MACROD2: variants seen among roughly 807,000 people sequenced by gnomAD.
The protein encoded by MACROD2 is mono-ADP ribosylhydrolase 2.
A neutral mutation model predicts 70.4 loss-of-function variants in MACROD2; 36 were observed. The observed-to-expected ratio is 0.51, with a 90% CI of 0.39 to 0.68. The LOEUF (loss-of-function observed/expected upper bound fraction) is 0.68. MACROD2 is among the 30% of genes least tolerant of loss of function. The pLI, the probability that MACROD2 is intolerant of heterozygous loss-of-function variation, is 0.00. For missense variants in MACROD2, 496 were observed against 538.4 expected, an observed-to-expected ratio of 0.92 and a Z score of 0.78; for synonymous variants, 172 against 178.8, an observed-to-expected ratio of 0.96 and a Z score of 0.30.
At chr20:15,914,919 C>G (rs921986041) in intron 10 of MACROD2, among the ~76,000 whole-genome samples, 7 of 137,318 alleles carry the variant, frequency 5.1e-5, no homozygotes, top group Admixed American at 4.6e-4. Context: ...AAACAATTTA[C>G]TTACTGCTAC....
chr20:14,760,912 C>G (rs2072007222), intron 5 of MACROD2, among the ~76,000 whole-genome samples: 1 of 152,124 alleles, frequency 6.6e-6, no homozygotes, highest in African/African-American at 2.4e-5. Flanking sequence ...GTGACCAAAA[C>G]TCTCCTTTGT....
At chr20:14,577,676 G>A (rs1409957567) in intron 4 of MACROD2, among the ~76,000 whole-genome samples, 1 of 152,056 alleles carries the variant, frequency 6.6e-6, no homozygotes, top group Non-Finnish European at 1.5e-5. Flanking sequence ...CAGCTACTCA[G>A]GAGGCTGAGG....
At chr20:15,898,415 G>C (rs988413991) in intron 10 of MACROD2, among the ~76,000 whole-genome samples, 2 of 152,034 alleles carry the variant, frequency 1.3e-5, no homozygotes, top group Non-Finnish European at 1.5e-5. Flanking sequence ...GCTGGGAGTG[G>C]TGACATGTGC....
chr20:14,678,011 C>A (rs2070883239), intron 4 of MACROD2, among the ~76,000 whole-genome samples: 1 of 152,030 alleles, frequency 6.6e-6, no homozygotes, highest in South Asian at 2.1e-4. Context: ...TGCAAACATC[C>A]CCAAATTGTA....
intron 5 of MACROD2, among the ~76,000 whole-genome samples, chr20:14,715,098 G>A (rs2071382198): frequency 6.6e-6 from 1 of 152,092 alleles, no homozygotes; most frequent in African/African-American, 2.4e-5. Flanking sequence ...AGCATGGCTG[G>A]GGAGGCCTCA....
intron 3 of MACROD2, among the ~76,000 whole-genome samples, chr20:14,246,725 T>A (rs2081970815): frequency 6.6e-6 from 1 of 152,226 alleles, no homozygotes; most frequent in East Asian, 1.9e-4. Flanking sequence ...AGAATTTTTG[T>A]AGCATTCAGA....
chr20:14,834,963 A>G (rs1476892072), intron 5 of MACROD2, among the ~76,000 whole-genome samples: 2 of 151,994 alleles, frequency 1.3e-5, no homozygotes, highest in African/African-American at 4.8e-5. Context: ...GACTCTCTAT[A>G]TATACATACA....
intron 8 of MACROD2, among the ~76,000 whole-genome samples, chr20:15,825,138 T>C (rs2063982976): frequency 6.6e-6 from 1 of 152,196 alleles, no homozygotes; most frequent in African/African-American, 2.4e-5. Flanking sequence ...TTTGAGAGAT[T>C]AAAAATGTCT....
At chr20:14,113,154 C>A (rs1016082454) in intron 3 of MACROD2, among the ~76,000 whole-genome samples, 2 of 151,980 alleles carry the variant, frequency 1.3e-5, no homozygotes, top group East Asian at 3.9e-4. Context: ...GTTATAGAAG[C>A]ACCCCATGTT....
At chr20:15,970,797 A>G (rs189382355) in intron 13 of MACROD2, among the ~76,000 whole-genome samples, 38 of 152,322 alleles carry the variant, frequency 2.5e-4, no homozygotes, top group African/African-American at 9.1e-4. Flanking sequence ...GAGCTTACAT[A>G]GGGCTAGAAG....
chr20:15,092,067 A>ACT, intron 5 of MACROD2, among the ~76,000 whole-genome samples: 1 of 152,218 alleles, frequency 6.6e-6, no homozygotes, highest in South Asian at 2.1e-4. Context: ...ATTCACACTA[A>ACT]AGTCATTTGG....
chr20:14,889,778 T>A (rs1235723396), intron 5 of MACROD2, among the ~76,000 whole-genome samples: 2 of 152,150 alleles, frequency 1.3e-5, no homozygotes, highest in African/African-American at 4.8e-5. Context: ...TGGGTTTAAT[T>A]CGAAGTGAAT....
intron 6 of MACROD2, among the ~76,000 whole-genome samples, chr20:15,356,066 C>T (rs6079782): frequency 0.089 from 13,583 of 152,154 alleles, 754 homozygotes; most frequent in Non-Finnish European, 0.13. Flanking sequence ...AACTTCCTAT[C>T]TTCCATCACT....
intron 7 of MACROD2, among the ~76,000 whole-genome samples, chr20:15,442,444 T>C (rs2046508408): frequency 6.6e-6 from 1 of 152,164 alleles, no homozygotes; most frequent in Non-Finnish European, 1.5e-5. Context: ...GCCAGGAATC[T>C]ACCATGGTGT....
chr20:15,298,167 T>G (rs1205985796), intron 6 of MACROD2, among the ~76,000 whole-genome samples: 1 of 152,312 alleles, frequency 6.6e-6, no homozygotes, highest in East Asian at 1.9e-4. Context: ...CTTTGGCTCC[T>G]TTTGAAAAAG....
At chr20:15,336,407 T>C (rs935710059) in intron 6 of MACROD2, among the ~76,000 whole-genome samples, 1 of 151,294 alleles carries the variant, frequency 6.6e-6, no homozygotes. Flanking sequence ...GGTGTGGAAT[T>C]GATCTTTTGT....
rs59492795 is a variant in MACROD2 at position 14,926,546 on chromosome 20, C to CAAA, written c.418+241598_418+241600dup. On this transcript the variant is annotated intron_variant, in intron 5 of 17. Coordinates refer to ENST00000684519, the MANE Select transcript of MACROD2 (RefSeq NM_001351661.2). ...GCCTGGTGACAGAGCAAGACTCCGT[C>CAAA]AAAAAAAAAAAAAGGAAGCATTATG... Among the ~76,000 whole-genome samples the CAAA allele has an allele frequency of 3.7e-3, 505 of 137,470 alleles. 6 individuals carry two copies. Among genetic ancestry groups the CAAA allele is most frequent in the Admixed American group, 0.031 (431 of 13,982 alleles). The allele number at this position is 137,470 out of a possible 152,430, so 90.2% of individuals were successfully genotyped here. A position where few individuals can be genotyped will look rare whatever the true frequency, so the allele number is the denominator to read the frequency against.
intron 6 of MACROD2, among the ~76,000 whole-genome samples, chr20:15,404,430 A>G (rs6034176): frequency 0.04 from 6,086 of 152,312 alleles, 376 homozygotes; most frequent in African/African-American, 0.14. Flanking sequence ...TAAATGTTTA[A>G]GAAACTGTAC....
At chr20:14,098,480 T>C (rs2054258386) in intron 3 of MACROD2, among the ~76,000 whole-genome samples, 2 of 152,224 alleles carry the variant, frequency 1.3e-5, no homozygotes, top group African/African-American at 4.8e-5. Context: ...GATGATGTCA[T>C]AAGATTGTAT....
Sources: allele counts gnomAD v4.1 joint callset (sites outside exome capture counted in the v4.1 genomes callset), GRCh38; gene constraint gnomAD v4.1.1; transcripts MANE v1.5; gene names NCBI Gene and HGNC (gene_info 2026-07-23, HGNC 2026-07-21).